The following UNC13C variants were observed in gnomAD, a reference collection of about 807,000 sequenced individuals.
The protein encoded by UNC13C is protein unc-13 homolog C.
In UNC13C, 174 loss-of-function variants were observed where a neutral mutation model predicts 245.4. The observed-to-expected ratio is 0.71, with a 90% CI of 0.63 to 0.80. UNC13C has a LOEUF of 0.80. Ranked by LOEUF, UNC13C falls within the 30% of genes least tolerant of loss-of-function variation. UNC13C has a pLI of 0.00. For synonymous variants in UNC13C, 992 were observed against 895.1 expected, an observed-to-expected ratio of 1.11 and a Z score of -1.93; for missense variants, 2,829 against 2,602.9, an observed-to-expected ratio of 1.09 and a Z score of -1.89.
chr15:54,468,810 CT>C (rs1311381789), intron 19 of UNC13C, among the ~76,000 whole-genome samples: 2 of 151,574 alleles, frequency 1.3e-5, no homozygotes, highest in Non-Finnish European at 3.0e-5. Context: ...CTTAGTATAT[CT>C]GTTTTTATGT....
intron 28 of UNC13C, among the ~76,000 whole-genome samples, chr15:54,550,509 AGTATTGGATT>A (rs1381001050): frequency 6.6e-6 from 1 of 152,140 alleles, no homozygotes; most frequent in Non-Finnish European, 1.5e-5. Flanking sequence ...GGTGCCATTG[AGTATTGGATT>A]GTTTCATATG....
chr15:54,131,356 G>T (rs150754313), intron 2 of UNC13C, among the ~76,000 whole-genome samples: 1 of 152,158 alleles, frequency 6.6e-6, no homozygotes, highest in Non-Finnish European at 1.5e-5. Context: ...TCCACATTGC[G>T]ATTAGGATAT....
chr15:54,052,221 T>C (rs1457144722), intron 2 of UNC13C, among the ~76,000 whole-genome samples: 1 of 106,722 alleles, frequency 9.4e-6, no homozygotes, highest in African/African-American at 3.6e-5. Flanking sequence ...GCAATAAACA[T>C]ACGTGTGCAT....
chr15:54,299,698 T>G (rs74015143), intron 12 of UNC13C, among the ~76,000 whole-genome samples: 2,743 of 152,256 alleles, frequency 0.018, 94 homozygotes, highest in African/African-American at 0.064. Flanking sequence ...TCATATTTTT[T>G]GATGTAAGAC....
At chr15:54,248,756 C>T (rs2036064534) in intron 7 of UNC13C, among the ~76,000 whole-genome samples, 1 of 152,164 alleles carries the variant, frequency 6.6e-6, no homozygotes. Flanking sequence ...TGTCCAGCCC[C>T]TTATCTAATA....
chr15:53,994,589 A>G (rs1450587285), intron 1 of UNC13C, among the ~76,000 whole-genome samples: 1 of 152,048 alleles, frequency 6.6e-6, no homozygotes, highest in Non-Finnish European at 1.5e-5. Context: ...TCTATGTTCT[A>G]GTCTGTTTTC....
intron 30 of UNC13C, among the ~76,000 whole-genome samples, chr15:54,577,263 A>T (rs1230212909): frequency 6.6e-6 from 1 of 152,202 alleles, no homozygotes; most frequent in Non-Finnish European, 1.5e-5. Flanking sequence ...CATGAAACTC[A>T]AAAACCGACC....
intron 4 of UNC13C, among the ~76,000 whole-genome samples, chr15:54,202,097 G>C (rs1440989173): frequency 1.3e-5 from 2 of 151,514 alleles, no homozygotes; most frequent in African/African-American, 4.8e-5. Context: ...AAATTGTTAA[G>C]AATATACCTA....
At position 54,235,202 on chromosome 15, in the gene UNC13C, A is replaced by G. The variant is rs2035660482; in HGVS notation, c.3150+94A>G. The G allele has an allele frequency of 2.9e-6, 3 of 1,029,882 alleles. No individual in the cohort carries two copies. The Admixed American group carries it at 6.4e-5, about 22-fold the overall frequency. 63.8% of individuals were successfully genotyped at this position (1,029,882 alleles called of 1,614,324 possible). A position where few individuals can be genotyped will look rare whatever the true frequency, so the allele number is the denominator to read the frequency against. The stretch of plus-strand genomic sequence containing the variant: ...CTTCTCATTCACTGTCTAGCCTGTA[A>G]ATATTCCATGGAATAAAAATATATG... On this transcript the variant is annotated intron_variant, in intron 5 of 32. Transcript: ENST00000260323.
intron 4 of UNC13C, among the ~76,000 whole-genome samples, chr15:54,162,806 TAAAATAGTTCCCTG>T (rs1436103250): frequency 2.6e-5 from 4 of 152,202 alleles, no homozygotes; most frequent in Non-Finnish European, 5.9e-5. Context: ...CATGTTGGTT[TAAAATAGTTCCCTG>T]AATAATCCCT....
At chr15:54,391,391 T>C (rs993832858) in intron 17 of UNC13C, among the ~76,000 whole-genome samples, 1 of 152,088 alleles carries the variant, frequency 6.6e-6, no homozygotes, top group African/African-American at 2.4e-5. Flanking sequence ...TACATTATAG[T>C]AGTGATAACA....
At chr15:54,406,158 T>C (rs990344381) in intron 18 of UNC13C, among the ~76,000 whole-genome samples, 2 of 152,044 alleles carry the variant, frequency 1.3e-5, no homozygotes, top group Non-Finnish European at 2.9e-5. Context: ...ATGATTAAAT[T>C]TGAGTATATT....
At chr15:54,048,779 G>C (rs1203948387) in intron 2 of UNC13C, 9 of 249,150 alleles carry the variant, frequency 3.6e-5, no homozygotes. Context: ...GAACCAGAGG[G>C]CCGTTAACTC....
At chr15:54,252,010 AG>A (rs1355264107) in intron 8 of UNC13C, among the ~76,000 whole-genome samples, 3 of 152,208 alleles carry the variant, frequency 2.0e-5, no homozygotes, top group Non-Finnish European at 4.4e-5. Flanking sequence ...ATTATTTTAA[AG>A]GAAGGGGGAT....
chr15:53,900,391 A>G, the UNC13C span, among the ~76,000 whole-genome samples: 1 of 152,250 alleles, frequency 6.6e-6, no homozygotes, highest in African/African-American at 2.4e-5. Context: ...CATGTTCTTT[A>G]TTTTTCTTGA....
intron 17 of UNC13C, among the ~76,000 whole-genome samples, chr15:54,390,843 C>T (rs1310315551): frequency 1.3e-5 from 2 of 152,064 alleles, no homozygotes; most frequent in African/African-American, 4.8e-5. Context: ...GATGAGACCT[C>T]ATCCTTTCAG....
chr15:54,415,386 A>G (rs1417410216), intron 19 of UNC13C, among the ~76,000 whole-genome samples: 2 of 152,108 alleles, frequency 1.3e-5, no homozygotes, highest in African/African-American at 4.8e-5. Flanking sequence ...GGGGTGGATG[A>G]GTTGTTTAGT....
intron 4 of UNC13C, among the ~76,000 whole-genome samples, chr15:54,201,738 C>T (rs999761524): frequency 2.6e-5 from 4 of 151,882 alleles, no homozygotes; most frequent in African/African-American, 9.7e-5. Context: ...AAAGCATTTC[C>T]CCTGAGAACT....
At chr15:53,899,620 T>C in the UNC13C span, among the ~76,000 whole-genome samples, 1 of 152,182 alleles carries the variant, frequency 6.6e-6, no homozygotes, top group Admixed American at 6.5e-5. Context: ...TTCACTCTTG[T>C]TGCCCAGGAT....
Sources: gnomAD v4.1 joint callset for allele counts (sites outside exome capture counted in the v4.1 genomes callset) on GRCh38, gnomAD v4.1.1 for gene constraint, MANE v1.5 for transcripts, NCBI Gene and HGNC (gene_info 2026-07-23, HGNC 2026-07-21) for gene names.